FRMD4B: variants seen among roughly 807,000 people sequenced by gnomAD.
The protein encoded by FRMD4B is FERM domain containing 4B, also known as FERM domain-containing protein 4B.
Under a neutral mutation model 141.5 loss-of-function variants are expected in FRMD4B, and 74 were observed. The ratio of observed to expected loss-of-function variants is 0.52; its 90% CI spans 0.43 to 0.63. The LOEUF is 0.63. Among genes scored for constraint, FRMD4B ranks in the 30% least tolerant of loss-of-function variants. FRMD4B has a pLI of 0.00. For synonymous variants in FRMD4B, 506 were observed against 467.9 expected (o/e 1.08, Z -1.05); for missense variants, 1,366 against 1,253.4 (o/e 1.09, Z -1.36).
At chr3:69,244,476 T>G (rs2093409718) in intron 7 of FRMD4B, among the ~76,000 whole-genome samples, 1 of 152,216 alleles carries the variant, frequency 6.6e-6, no homozygotes, top group African/African-American at 2.4e-5. Flanking sequence ...GTTTGTTTGT[T>G]TATCATGTTT....
At chr3:69,304,238 C>T (rs1158720849) in intron 3 of FRMD4B, among the ~76,000 whole-genome samples, 2 of 150,870 alleles carry the variant, frequency 1.3e-5, no homozygotes, top group African/African-American at 2.4e-5. Context: ...CACTTTGGCA[C>T]TTTGGGAGGC....
chr3:69,292,887 T>G, intron 4 of FRMD4B: 2 of 247,836 alleles, frequency 8.1e-6, no homozygotes, highest in Non-Finnish European at 8.0e-6. Context: ...TTCACTAAGG[T>G]TTTCTTAAGT....
Position 69,264,700 on chromosome 3 carries a change from T to G in FRMD4B, c.502-14601A>C, listed in dbSNP as rs565983638. Among the ~76,000 whole-genome samples, 41 of 152,340 alleles carry G rather than the reference T, an allele frequency of 2.7e-4. 1 individual carries two copies. Among genetic ancestry groups the G allele is most frequent in the African/African-American group, 9.6e-4 (40 of 41,582 alleles). On this transcript the variant is annotated intron_variant, in intron 5 of 22. Coordinates refer to ENST00000398540, the MANE Select transcript of FRMD4B (RefSeq NM_015123.3). ...AGCAGGAAAATAAATAATATCTATG[T>G]AATACTTCATGGAGTTTTGAGGACA...
At position 69,169,568 on chromosome 3, in the gene FRMD4B, G is replaced by T. The variant is rs187385099; in HGVS notation, c.*2293C>A. ...GATGGGGTTTCACCATGTTGTCCAG[G>T]CTGGTCTTGAACTCCTGAGCTCAAG... On this transcript the variant is annotated 3_prime_UTR_variant, in exon 23 of 23. Transcript: ENST00000398540. Among the ~76,000 whole-genome samples the T allele has an allele frequency of 3.7e-4, 56 of 152,034 alleles. No individual in the cohort carries two copies. The highest frequency in any genetic ancestry group is 7.1e-4 in the Non-Finnish European group (48 of 67,976).
At chr3:69,288,290 G>A (rs570724244) in intron 4 of FRMD4B, among the ~76,000 whole-genome samples, 7 of 152,352 alleles carry the variant, frequency 4.6e-5, no homozygotes, top group East Asian at 1.9e-4. Flanking sequence ...GGAGGGGCCT[G>A]AGGGCCCCAT....
intron 1 of FRMD4B, among the ~76,000 whole-genome samples, chr3:69,532,435 G>A (rs1326590211): frequency 6.6e-6 from 1 of 152,178 alleles, no homozygotes; most frequent in African/African-American, 2.4e-5. Flanking sequence ...CACAGACAAA[G>A]TGCAGGGTGC....
At chr3:69,500,244 G>A (rs1486978447) in intron 1 of FRMD4B, among the ~76,000 whole-genome samples, 8 of 152,206 alleles carry the variant, frequency 5.3e-5, no homozygotes, top group South Asian at 4.1e-4. Flanking sequence ...GCATGTGGTC[G>A]AAATCACACG....
At chr3:69,329,469 C>T (rs1575736073) in intron 1 of FRMD4B, among the ~76,000 whole-genome samples, 1 of 151,654 alleles carries the variant, frequency 6.6e-6, no homozygotes, top group East Asian at 1.9e-4. Context: ...CCTACCTCAG[C>T]CTCCCAAGTA....
intron 5 of FRMD4B, among the ~76,000 whole-genome samples, chr3:69,285,304 A>C (rs902764209): frequency 6.6e-6 from 1 of 152,138 alleles, no homozygotes; most frequent in Non-Finnish European, 1.5e-5. Flanking sequence ...ATATTCCCCC[A>C]AATCCCCACA....
chr3:69,467,657 T>A (rs1216776610), intron 1 of FRMD4B, among the ~76,000 whole-genome samples: 2 of 152,296 alleles, frequency 1.3e-5, no homozygotes, highest in South Asian at 4.1e-4. Flanking sequence ...TTGTGAGAAA[T>A]AAATGACATA....
chr3:69,372,926 C>T (rs1350070105), intron 1 of FRMD4B, among the ~76,000 whole-genome samples: 1 of 152,106 alleles, frequency 6.6e-6, no homozygotes, highest in Non-Finnish European at 1.5e-5. Context: ...CAGGGTTATA[C>T]ACGTAATGGG....
intron 1 of FRMD4B, among the ~76,000 whole-genome samples, chr3:69,359,906 G>A (rs891538428): frequency 4.6e-5 from 7 of 152,194 alleles, no homozygotes; most frequent in Admixed American, 1.3e-4. Context: ...ACTGAAGCAC[G>A]GAGATGTCTG....
chr3:69,379,828 A>G (rs1018921915), intron 1 of FRMD4B, among the ~76,000 whole-genome samples: 2 of 152,264 alleles, frequency 1.3e-5, no homozygotes, highest in African/African-American at 4.8e-5. Flanking sequence ...GTGTGAAAGC[A>G]GCTGTAGACA....
At chr3:69,325,843 G>A (rs187849907) in intron 1 of FRMD4B, among the ~76,000 whole-genome samples, 15 of 152,264 alleles carry the variant, frequency 9.9e-5, no homozygotes, top group Middle Eastern at 3.4e-3. Context: ...CCCTAGTGCC[G>A]TGAGTACTAT....
chr3:69,413,531 G>A (rs1704796273), intron 2 of FRMD4B, among the ~76,000 whole-genome samples: 2 of 152,134 alleles, frequency 1.3e-5, no homozygotes, highest in South Asian at 4.1e-4. Context: ...CTCTCAGAAC[G>A]GTACCTGCCC....
At chr3:69,267,917 G>A (rs1320731222) in intron 5 of FRMD4B, among the ~76,000 whole-genome samples, 1 of 151,692 alleles carries the variant, frequency 6.6e-6, no homozygotes, top group Non-Finnish European at 1.5e-5. Context: ...ACAGGTGTGG[G>A]CCACTGTGCC....
rs532512462 is a variant in FRMD4B at position 69,506,890 on chromosome 3, G to A, written c.-129+35316C>T. Among the ~76,000 whole-genome samples, 42 of 152,192 alleles carry A rather than the reference G, an allele frequency of 2.8e-4. 1 individual carries two copies. Among genetic ancestry groups the A allele is most frequent in the Admixed American group, 1.2e-3 (19 of 15,272 alleles). ...CTCAGCTGGAGACAGTGCACACTGCGGTGACGATTTATTTTAATATAAATG... is the reference window on the plus strand; with the variant it reads ...CTCAGCTGGAGACAGTGCACACTGCAGTGACGATTTATTTTAATATAAATG... On this transcript the variant is annotated intron_variant, in intron 1 of 5. Transcript: ENST00000459638.
intron 1 of FRMD4B, among the ~76,000 whole-genome samples, chr3:69,533,653 T>A (rs1701037590): frequency 6.6e-6 from 1 of 152,332 alleles, no homozygotes; most frequent in East Asian, 1.9e-4. Flanking sequence ...ATCTCCACTT[T>A]GGCCTTTTTT....
Position 69,210,417 on chromosome 3 carries a change from CTT to C in FRMD4B, c.876+5844_876+5845del, listed in dbSNP as rs35982668. Reference sequence around the variant, plus strand: ...AATACTTAGAAGGAACACAAGGCTGCTTTTTTTTTTTTCTTTAAGTGAAACTT... The same window carrying C: ...AATACTTAGAAGGAACACAAGGCTGCTTTTTTTTTTCTTTAAGTGAAACTT... On this transcript the variant is annotated intron_variant, in intron 11 of 22. Transcript: ENST00000398540. 2.0e-3 allele frequency among the ~76,000 whole-genome samples: 294 copies of C among 145,748 alleles called. 1 individual carries two copies. The highest frequency in any genetic ancestry group is 6.9e-3 in the African/African-American group (278 of 40,056).
Sources: gnomAD v4.1 joint callset for allele counts (sites outside exome capture counted in the v4.1 genomes callset) on GRCh38, gnomAD v4.1.1 for gene constraint, MANE v1.5 for transcripts, NCBI Gene and HGNC (gene_info 2026-07-23, HGNC 2026-07-21) for gene names.